MDGA2: variants seen among roughly 807,000 people sequenced by gnomAD.
The protein encoded by MDGA2 is MAM domain containing glycosylphosphatidylinositol anchor 2.
A neutral mutation model predicts 117.8 loss-of-function variants in MDGA2; 40 were observed. That is an observed-to-expected ratio of 0.34 (90% CI 0.26 to 0.44). MDGA2 has a LOEUF of 0.44. MDGA2 is among the 20% of genes least tolerant of loss of function. The probability of loss-of-function intolerance (pLI) is 1.00; values close to 1 mark genes in which losing one functional copy is unlikely to be tolerated. For missense variants in MDGA2, 1,123 were observed against 1,250.6 expected, an observed-to-expected ratio of 0.90 and a Z score of 1.54; for synonymous variants, 452 against 439.0, an observed-to-expected ratio of 1.03 and a Z score of -0.37.
chr14:46,877,577 A>T, intron 11 of MDGA2, 68 bp from the exon 12 acceptor site: 1 of 1,144,820 alleles, frequency 8.7e-7, no homozygotes, highest in Non-Finnish European at 1.3e-6. Context: ...TGTCTTTTAT[A>T]AATAAAAGTC....
chr14:47,576,892 G>A (rs1412155642), intron 1 of MDGA2, among the ~76,000 whole-genome samples: 1 of 152,076 alleles, frequency 6.6e-6, no homozygotes, highest in East Asian at 1.9e-4. Context: ...GGGACCACGG[G>A]CATGTGCCAC....
chr14:47,386,970 G>C (rs977683609), intron 1 of MDGA2, among the ~76,000 whole-genome samples: 2 of 152,074 alleles, frequency 1.3e-5, no homozygotes, highest in Non-Finnish European at 2.9e-5. Context: ...AGTATATATG[G>C]CACATGGTAC....
intron 5 of MDGA2, among the ~76,000 whole-genome samples, chr14:47,104,096 A>G (rs1476340686): frequency 6.6e-6 from 1 of 152,204 alleles, no homozygotes; most frequent in African/African-American, 2.4e-5. Context: ...TGACTGGGAT[A>G]TTTATGTCAT....
intron 1 of MDGA2, among the ~76,000 whole-genome samples, chr14:47,520,694 A>G (rs936098759): frequency 6.6e-6 from 1 of 152,204 alleles, no homozygotes; most frequent in African/African-American, 2.4e-5. Context: ...TCAAGAATCA[A>G]TAAGTGTTTT....
In MDGA2 at chr14:46,886,237, A is replaced by G. The variant is rs559036773; in HGVS notation, c.2239-4016T>C. ...GAAACAAGTATATTCATCGCATAGAAAATGGAAAATGATCTATACCTCAAT... is the reference window on the plus strand; with the variant it reads ...GAAACAAGTATATTCATCGCATAGAGAATGGAAAATGATCTATACCTCAAT... On this transcript the variant is annotated intron_variant, in intron 10 of 16. Coordinates refer to ENST00000399232, the MANE Select transcript of MDGA2 (RefSeq NM_001113498.3). 2.0e-5 allele frequency among the ~76,000 whole-genome samples: 3 copies of G among 152,232 alleles called. No individual in the cohort carries two copies. The East Asian group carries it at 5.8e-4, about 29-fold the overall frequency.
chr14:47,282,916 C>G (rs951558405), intron 2 of MDGA2, among the ~76,000 whole-genome samples: 9 of 151,952 alleles, frequency 5.9e-5, no homozygotes, highest in South Asian at 2.1e-4. Context: ...CCACCGCACT[C>G]CAGCCTGAGC....
intron 1 of MDGA2, among the ~76,000 whole-genome samples, chr14:47,433,331 TATTG>T (rs1164450499): frequency 5.9e-5 from 9 of 152,150 alleles, no homozygotes; most frequent in African/African-American, 1.9e-4. Context: ...AAACACTAAG[TATTG>T]ATTAAGAAAA....
intron 8 of MDGA2, among the ~76,000 whole-genome samples, chr14:47,021,935 C>T (rs1165979233): frequency 6.6e-6 from 1 of 152,086 alleles, no homozygotes; most frequent in Admixed American, 6.5e-5. Context: ...ATGGTTAAAC[C>T]TGTTTTGCAT....
intron 10 of MDGA2, among the ~76,000 whole-genome samples, chr14:46,891,830 C>CTTTTTATACTT (rs1434971917): frequency 1.3e-5 from 2 of 150,582 alleles, no homozygotes; most frequent in East Asian, 3.9e-4. Context: ...TTTTATAATA[C>CTTTTTATACTT]TTATAATAAA....
intron 3 of MDGA2, among the ~76,000 whole-genome samples, chr14:47,182,850 T>C (rs1884763345): frequency 6.6e-6 from 1 of 152,216 alleles, no homozygotes; most frequent in Non-Finnish European, 1.5e-5. Context: ...TTGGGTTTTT[T>C]TGGGAAACTT....
At chr14:47,387,681 G>A (rs186195773) in intron 1 of MDGA2, among the ~76,000 whole-genome samples, 1 of 152,260 alleles carries the variant, frequency 6.6e-6, no homozygotes, top group African/African-American at 2.4e-5. Flanking sequence ...TTCAGCATGT[G>A]GGCATAATTA....
chr14:47,277,534 T>C (rs542595910), intron 2 of MDGA2, among the ~76,000 whole-genome samples: 1 of 152,284 alleles, frequency 6.6e-6, no homozygotes, highest in East Asian at 1.9e-4. Flanking sequence ...ATGCATTTGA[T>C]TGGACAATAT....
intron 6 of MDGA2, among the ~76,000 whole-genome samples, chr14:47,076,198 A>G (rs4993490): frequency 0.29 from 43,867 of 151,882 alleles, 7,231 homozygotes; most frequent in African/African-American, 0.45. Flanking sequence ...CTTGTACAAT[A>G]TTTTTTAAGT....
intron 9 of MDGA2, among the ~76,000 whole-genome samples, chr14:46,947,739 A>G (rs1013262040): frequency 1.3e-5 from 2 of 152,050 alleles, no homozygotes; most frequent in African/African-American, 4.8e-5. Context: ...TGTAAGTCCA[A>G]TGAAACCCTT....
chr14:46,964,577 G>A (rs369205031), intron 8 of MDGA2, among the ~76,000 whole-genome samples: 91 of 152,268 alleles, frequency 6.0e-4, no homozygotes, highest in African/African-American at 2.1e-3. Context: ...AATACATTGA[G>A]GACAAAGGTA....
chr14:47,601,498 G>A (rs1397870053), intron 1 of MDGA2, among the ~76,000 whole-genome samples: 1 of 152,024 alleles, frequency 6.6e-6, no homozygotes, highest in Non-Finnish European at 1.5e-5. Context: ...AACTATAAAG[G>A]ATGCTTACAT....
intron 9 of MDGA2, among the ~76,000 whole-genome samples, chr14:46,923,880 G>A (rs1306638937): frequency 6.6e-6 from 1 of 151,968 alleles, no homozygotes; most frequent in African/African-American, 2.4e-5. Flanking sequence ...ACATCTACTG[G>A]TTGAACAGGG....
chr14:47,090,903 G>T (rs1879613657), intron 6 of MDGA2, among the ~76,000 whole-genome samples: 1 of 152,144 alleles, frequency 6.6e-6, no homozygotes, highest in Non-Finnish European at 1.5e-5. Flanking sequence ...AAGAAGCATT[G>T]AAGATTACTG....
chr14:47,294,293 C>T (rs567152788), intron 2 of MDGA2, among the ~76,000 whole-genome samples: 258 of 151,920 alleles, frequency 1.7e-3, no homozygotes, highest in African/African-American at 5.8e-3. Context: ...AACAAGGTTT[C>T]GTCATGTTGC....
Sources: allele counts gnomAD v4.1 joint callset (sites outside exome capture counted in the v4.1 genomes callset), GRCh38; gene constraint gnomAD v4.1.1; transcripts MANE v1.5; gene names NCBI Gene and HGNC (gene_info 2026-07-23, HGNC 2026-07-21).